WDHD1: variants seen among roughly 807,000 people sequenced by gnomAD.
The protein encoded by WDHD1 is WD repeat and HMG-box DNA binding protein 1, also known as WD repeat and HMG-box DNA-binding protein 1.
In WDHD1, 111 loss-of-function variants were observed where a neutral mutation model predicts 135.4. The observed-to-expected ratio is 0.82, with a 90% CI of 0.70 to 0.96. The LOEUF is 0.96. Among genes scored for constraint, WDHD1 ranks in the 40% least tolerant of loss-of-function variants. WDHD1 has a pLI of 0.00. For missense variants in WDHD1, 1,351 were observed against 1,336.3 expected (o/e 1.01, Z -0.17); for synonymous variants, 434 against 439.0 (o/e 0.99, Z 0.14).
At chr14:54,990,195 A>T (rs1425378877) in intron 12 of WDHD1, among the ~76,000 whole-genome samples, 1 of 152,196 alleles carries the variant, frequency 6.6e-6, no homozygotes, top group Admixed American at 6.5e-5. Context: ...TTACATAAAA[A>T]TTTATGCCAG....
At chr14:54,953,574 A>G (rs374091472) in intron 24 of WDHD1, among the ~76,000 whole-genome samples, 3 of 152,204 alleles carry the variant, frequency 2.0e-5, no homozygotes, top group Non-Finnish European at 4.4e-5. Context: ...CGATTCCTCA[A>G]GGATCTAGAA....
At chr14:54,960,698 G>C (rs766237707) in intron 21 of WDHD1, among the ~76,000 whole-genome samples, 4 of 151,428 alleles carry the variant, frequency 2.6e-5, no homozygotes, top group Non-Finnish European at 5.9e-5. Context: ...TGGAGATGTG[G>C]TTTCACCATT....
chr14:54,984,825 G>C lies in WDHD1; in HGVS notation c.1804C>G (p.Gln602Glu). The C allele has an allele frequency of 6.2e-7, 1 of 1,613,524 alleles. No homozygotes were observed. Among genetic ancestry groups the C allele is most frequent in the South Asian group, 1.1e-5 (1 of 90,966 alleles). The change falls in exon 15 of 26, where the codon CAA becomes GAA. Residue 602 changes from glutamine (Q) to glutamate (E), a missense_variant. By Grantham distance (29) the Gln-to-Glu change is conservative. Transcript: ENST00000360586. ...GFDGDQCLGV[Q>E]LLELGKKKKQ... ...TTCTTTTTCCCCAGCTCTAGCAGTT[G>C]AACTCCAAGGCACTGATCCCCATCA...
At chr14:55,005,752 G>A in intron 7 of WDHD1, 1 of 393,224 alleles carries the variant, frequency 2.5e-6, no homozygotes, top group Non-Finnish European at 4.7e-6. Flanking sequence ...CCTTCTCTGG[G>A]TAGTGCAGAA....
intron 19 of WDHD1, 46 bp downstream of exon 19, chr14:54,962,906 A>T: frequency 6.2e-7 from 1 of 1,612,128 alleles, no homozygotes; most frequent in Non-Finnish European, 8.5e-7. Context: ...CCAACTTAAC[A>T]TTCAAGACAG....
intron 15 of WDHD1, among the ~76,000 whole-genome samples, chr14:54,983,971 TC>T (rs2041658460): frequency 6.6e-6 from 1 of 152,184 alleles, no homozygotes; most frequent in African/African-American, 2.4e-5. Flanking sequence ...GTCTTCAAAA[TC>T]CAGAGTATTT....
At chr14:55,005,395 T>C (rs1460582532) in intron 7 of WDHD1, 2 of 568,056 alleles carry the variant, frequency 3.5e-6, no homozygotes, top group East Asian at 8.9e-5. Context: ...AGCCAGCAAC[T>C]GGAGTGACTC....
chr14:55,014,436 A>G (rs2042226662), intron 2 of WDHD1, among the ~76,000 whole-genome samples: 1 of 152,202 alleles, frequency 6.6e-6, no homozygotes, highest in Non-Finnish European at 1.5e-5. Flanking sequence ...ATGGGTATAT[A>G]ATCTGCAACA....
chr14:54,957,507 G>A (rs778456966), intron 22 of WDHD1, 85 bp downstream of exon 22: 3 of 1,232,492 alleles, frequency 2.4e-6, no homozygotes, highest in Non-Finnish European at 3.4e-6. Flanking sequence ...CTCCAAGTCT[G>A]GGGAGAGTCA....
At chr14:54,947,196 G>A (rs901975925) in intron 24 of WDHD1, among the ~76,000 whole-genome samples, 2 of 151,918 alleles carry the variant, frequency 1.3e-5, no homozygotes, top group South Asian at 2.1e-4. Context: ...AAAATTAGTC[G>A]GGCATGGTTG....
intron 24 of WDHD1, among the ~76,000 whole-genome samples, chr14:54,952,351 G>A (rs549126116): frequency 1.4e-4 from 21 of 152,250 alleles, no homozygotes; most frequent in Admixed American, 1.2e-3. Context: ...ACCAATAACA[G>A]ACAAACAGAG....
chr14:54,989,136 G>A lies in WDHD1; in HGVS notation c.1418C>T (p.Thr473Ile), dbSNP rs1443703785. ...TAAGTGTGTTGCATGGTGTATGGAG[G>A]TATCATGGAACTCCACATCTATGGC... The part of the protein sequence containing the change: ...DNAIDVEFHD[T>I]SIHHATHLSN... The change falls in exon 13 of 26, where the codon ACC becomes ATC. Residue 473 changes from threonine (T) to isoleucine (I), a missense_variant. Physicochemically the swap from Thr to Ile is moderately conservative, Grantham distance 89 (BLOSUM62 -1). This residue lies in a region of WDHD1 where 1,330 missense variants were observed against 1,296.1 expected (regional missense o/e 1.03). Coordinates refer to ENST00000360586, the MANE Select transcript of WDHD1 (RefSeq NM_007086.4). 9 of 1,613,042 alleles carry A rather than the reference G, an allele frequency of 5.6e-6. No individual in the cohort carries two copies. The highest frequency in any genetic ancestry group is 6.8e-6 in the Non-Finnish European group (8 of 1,179,352).
intron 2 of WDHD1, among the ~76,000 whole-genome samples, chr14:55,014,137 T>C (rs532598764): frequency 1.9e-4 from 29 of 152,378 alleles, no homozygotes; most frequent in African/African-American, 6.7e-4. Flanking sequence ...AGTCTCATTC[T>C]GTTGCCTAGG....
chr14:55,027,005 G>A, intron 1 of WDHD1, 23 bp downstream of exon 1: 1 of 548,914 alleles, frequency 1.8e-6, no homozygotes, highest in East Asian at 3.1e-5. Context: ...TGGTGGACGC[G>A]GGCAGCCGGA....
intron 16 of WDHD1, among the ~76,000 whole-genome samples, chr14:54,973,558 A>C (rs2041474939): frequency 6.6e-6 from 1 of 152,210 alleles, no homozygotes; most frequent in Admixed American, 6.5e-5. Context: ...ATGAGGTGGC[A>C]GTGTGAATAC....
chr14:55,007,678 A>C (rs1164078920), intron 6 of WDHD1, among the ~76,000 whole-genome samples: 1 of 152,234 alleles, frequency 6.6e-6, no homozygotes, highest in Non-Finnish European at 1.5e-5. Context: ...GAATGACTAC[A>C]AAAATAAAAC....
chr14:54,944,762 G>C (rs1333377873), intron 24 of WDHD1, among the ~76,000 whole-genome samples: 1 of 151,902 alleles, frequency 6.6e-6, no homozygotes. Context: ...TGGGATTACA[G>C]GCATGCGCCA....
At chr14:54,957,692 A>G in intron 21 of WDHD1, 57 bp from the exon 22 acceptor site, 1 of 1,404,902 alleles carries the variant, frequency 7.1e-7, no homozygotes, top group South Asian at 1.2e-5. Flanking sequence ...GACTTCTGAC[A>G]TCTATAATAC....
At position 54,987,416 on chromosome 14, in the gene WDHD1, C is replaced by A. The variant is rs760700498; in HGVS notation, c.1527-29G>T. ...AAAATTAAAACAAGACAGAAACAAT[C>A]AAACTTTCATATGATATTTACATAT... On this transcript the variant is annotated intron_variant, in intron 13 of 25. Transcript: ENST00000360586. 7 of 1,591,004 alleles carry A rather than the reference C, an allele frequency of 4.4e-6. 1 individual carries two copies. In the South Asian group the frequency reaches 7.9e-5, roughly 18 times the overall value.
Sources: allele counts gnomAD v4.1 joint callset (sites outside exome capture counted in the v4.1 genomes callset), GRCh38; gene constraint gnomAD v4.1.1; regional missense constraint gnomAD v4.1.1; transcripts MANE v1.5; gene names NCBI Gene and HGNC (gene_info 2026-07-23, HGNC 2026-07-21).